Variants in UNC13C observed in about 807,000 individuals in gnomAD.
UNC13C encodes the protein protein unc-13 homolog C.
UNC13C carries 174 observed loss-of-function variants against 245.4 expected under a neutral mutation model. That is an observed-to-expected ratio of 0.71 (90% CI 0.63 to 0.80). The LOEUF is 0.80. UNC13C is among the 30% of genes least tolerant of loss of function. UNC13C has a pLI of 0.00. For missense variants in UNC13C, 2,829 were observed against 2,602.9 expected, an observed-to-expected ratio of 1.09 and a Z score of -1.89; for synonymous variants, 992 against 895.1, an observed-to-expected ratio of 1.11 and a Z score of -1.93.
At chr15:54,238,035 T>G (rs1056512368) in intron 7 of UNC13C, among the ~76,000 whole-genome samples, 1 of 151,212 alleles carries the variant, frequency 6.6e-6, no homozygotes, top group Non-Finnish European at 1.5e-5. Context: ...CTTCCTCCCC[T>G]TCCAGCTGAA....
intron 13 of UNC13C, among the ~76,000 whole-genome samples, chr15:54,310,460 G>A (rs2037838978): frequency 6.6e-6 from 1 of 151,804 alleles, no homozygotes; most frequent in African/African-American, 2.4e-5. Context: ...ACCCCTGGCT[G>A]CAATAGAATC....
intron 2 of UNC13C, 42 bp from the exon 3 acceptor site, chr15:54,142,976 T>A: frequency 6.3e-7 from 1 of 1,579,462 alleles, no homozygotes; most frequent in Non-Finnish European, 8.7e-7. Flanking sequence ...TGAAAAGTAC[T>A]CCATCTAACA....
At chr15:54,462,497 G>A (rs531353578) in intron 19 of UNC13C, among the ~76,000 whole-genome samples, 1 of 152,306 alleles carries the variant, frequency 6.6e-6, no homozygotes, top group East Asian at 1.9e-4. Flanking sequence ...CTGCACTCGC[G>A]GGCCAGCGCC....
At chr15:54,577,066 T>A (rs1459389384) in intron 30 of UNC13C, among the ~76,000 whole-genome samples, 1 of 152,190 alleles carries the variant, frequency 6.6e-6, no homozygotes, top group African/African-American at 2.4e-5. Flanking sequence ...AAAGTGTGTA[T>A]GAGTATGTGT....
intron 17 of UNC13C, among the ~76,000 whole-genome samples, chr15:54,349,967 T>C (rs1417326363): frequency 1.3e-5 from 2 of 152,150 alleles, no homozygotes; most frequent in Non-Finnish European, 1.5e-5. Flanking sequence ...AAACATAATG[T>C]TGTATATTAG....
At chr15:54,324,216 C>T (rs2038236595) in intron 14 of UNC13C, among the ~76,000 whole-genome samples, 1 of 151,960 alleles carries the variant, frequency 6.6e-6, no homozygotes, top group Admixed American at 6.6e-5. Context: ...AAGTATATCT[C>T]CTGCCTCTAC....
chr15:54,236,889 G>A (rs539949930), intron 6 of UNC13C, among the ~76,000 whole-genome samples: 1 of 152,200 alleles, frequency 6.6e-6, no homozygotes, highest in Non-Finnish European at 1.5e-5. Flanking sequence ...GCTCCTAATG[G>A]GATAACAGTT....
chr15:54,503,852 T>C (rs1894344617), intron 22 of UNC13C, among the ~76,000 whole-genome samples: 1 of 152,194 alleles, frequency 6.6e-6, no homozygotes, highest in Admixed American at 6.5e-5. Flanking sequence ...TATCAAAATA[T>C]ACTAAAATCC....
chr15:54,254,301 C>A (rs1248440726), intron 8 of UNC13C, among the ~76,000 whole-genome samples: 1 of 152,154 alleles, frequency 6.6e-6, no homozygotes, highest in Non-Finnish European at 1.5e-5. Context: ...TGGTATTTTT[C>A]CTGGACTCAA....
the UNC13C span, among the ~76,000 whole-genome samples, chr15:53,853,856 G>A: frequency 6.6e-6 from 1 of 151,686 alleles, no homozygotes; most frequent in Non-Finnish European, 1.5e-5. Context: ...TTTTTTTCTT[G>A]TAAATTTGTT....
intron 10 of UNC13C, among the ~76,000 whole-genome samples, chr15:54,291,341 T>A (rs1190861322): frequency 6.6e-6 from 1 of 151,982 alleles, no homozygotes; most frequent in Non-Finnish European, 1.5e-5. Flanking sequence ...CCCCACAATT[T>A]CTACCTCATT....
At chr15:54,242,330 G>A (rs1346535362) in intron 7 of UNC13C, among the ~76,000 whole-genome samples, 2 of 152,072 alleles carry the variant, frequency 1.3e-5, no homozygotes, top group Admixed American at 1.3e-4. Context: ...TTAATATAGT[G>A]ATTATGTTCC....
At position 53,979,411 on chromosome 15, in the gene UNC13C, T is replaced by A. The variant is rs147307196; in HGVS notation, c.-257+484T>A. 3.3e-3 allele frequency among the ~76,000 whole-genome samples: 417 copies of A among 124,532 alleles called. 4 individuals are homozygous for A. The highest frequency in any genetic ancestry group is 0.01 in the African/African-American group (399 of 39,154). 81.7% of individuals were successfully genotyped at this position (124,532 alleles called of 152,430 possible). A position where few individuals can be genotyped will look rare whatever the true frequency, so the allele number is the denominator to read the frequency against. On this transcript the variant is annotated intron_variant, in intron 1 of 32. Coordinates refer to ENST00000260323, the MANE Select transcript of UNC13C (RefSeq NM_001080534.3). ...AAAGAAGCTTTACCAATGATTTTTT[T>A]ATTTCTAGCTCTTCATCAGTTCTTC...
At chr15:54,175,378 C>A (rs1003564116) in intron 4 of UNC13C, among the ~76,000 whole-genome samples, 2 of 152,134 alleles carry the variant, frequency 1.3e-5, no homozygotes, top group African/African-American at 2.4e-5. Flanking sequence ...TCCAGTAGCA[C>A]CACGTTATTT....
chr15:54,487,785 AAAAAGACAGAGAG>A (rs1201164216), intron 19 of UNC13C, among the ~76,000 whole-genome samples: 11,955 of 108,010 alleles, frequency 0.11, 720 homozygotes, highest in Admixed American at 0.21. Flanking sequence ...AAAAAAAAAA[AAAAAGACAGAGAG>A]AGAGAAAAGA....
intron 1 of UNC13C, among the ~76,000 whole-genome samples, chr15:53,989,332 T>TA (rs10675554): frequency 0.12 from 17,366 of 145,372 alleles, 1,536 homozygotes; most frequent in East Asian, 0.28. Flanking sequence ...GCTTAATTGT[T>TA]AAAAAAAAAA....
chr15:54,078,469 T>C (rs976553367), intron 2 of UNC13C, among the ~76,000 whole-genome samples: 3 of 152,186 alleles, frequency 2.0e-5, no homozygotes, highest in African/African-American at 7.2e-5. Context: ...TGTATAAGTG[T>C]TCCCTTTCTC....
intron 4 of UNC13C, among the ~76,000 whole-genome samples, chr15:54,188,421 A>T (rs1327011429): frequency 6.6e-6 from 1 of 152,146 alleles, no homozygotes; most frequent in Non-Finnish European, 1.5e-5. Context: ...TATTTTCTAT[A>T]TGTATAATTT....
intron 4 of UNC13C, among the ~76,000 whole-genome samples, chr15:54,163,902 G>A (rs1887833443): frequency 6.6e-6 from 1 of 152,146 alleles, no homozygotes; most frequent in African/African-American, 2.4e-5. Context: ...TAAATCATAA[G>A]CCTGCCTGAT....
Sources: allele counts gnomAD v4.1 joint callset (sites outside exome capture counted in the v4.1 genomes callset), GRCh38; gene constraint gnomAD v4.1.1; transcripts MANE v1.5; gene names NCBI Gene and HGNC (gene_info 2026-07-23, HGNC 2026-07-21).